Variants in ABCB11 observed in about 807,000 individuals in gnomAD.
ABCB11 encodes the protein ATP binding cassette subfamily B member 11.
ABCB11 carries 95 observed loss-of-function variants against 148.0 expected under a neutral mutation model. That is an observed-to-expected ratio of 0.64 (90% confidence interval 0.54 to 0.76). The LOEUF (loss-of-function observed/expected upper bound fraction) is 0.76, where lower values mean the gene tolerates loss of function less well. Ranked by LOEUF, ABCB11 falls within the 30% of genes least tolerant of loss-of-function variation. The pLI is 0.00. For missense variants in ABCB11, 1,523 were observed against 1,617.8 expected, an observed-to-expected ratio of 0.94 and a Z score of 1.01; for synonymous variants, 591 against 555.4, an observed-to-expected ratio of 1.06 and a Z score of -0.90.
At chr2:169,023,127 A>G (rs187703079) in intron 1 of ABCB11, among the ~76,000 whole-genome samples, 94 of 152,318 alleles carry the variant, frequency 6.2e-4, no homozygotes, top group African/African-American at 2.3e-3. Context: ...ATATAAATTG[A>G]CTGAATGACT....
chr2:168,973,363 A>G (rs1693677803), intron 13 of ABCB11, among the ~76,000 whole-genome samples: 1 of 152,036 alleles, frequency 6.6e-6, no homozygotes, highest in African/African-American at 2.4e-5. Context: ...TCTTAACTTG[A>G]TCTGCAATGC....
chr2:169,030,001 A>G (rs1227854503), intron 1 of ABCB11, among the ~76,000 whole-genome samples: 1 of 151,658 alleles, frequency 6.6e-6, no homozygotes, highest in Non-Finnish European at 1.5e-5. Context: ...CGGCCTCCCA[A>G]AGTGCTGAGA....
intron 5 of ABCB11, among the ~76,000 whole-genome samples, chr2:169,007,819 T>C (rs1214552316): frequency 6.6e-6 from 1 of 152,170 alleles, no homozygotes; most frequent in Non-Finnish European, 1.5e-5. Context: ...GCTTCAAAGA[T>C]AATTATCAAG....
intron 25 of ABCB11, among the ~76,000 whole-genome samples, chr2:168,927,818 GATA>G (rs1691383646): frequency 1.3e-5 from 2 of 152,140 alleles, no homozygotes; most frequent in Admixed American, 1.3e-4. Flanking sequence ...GCATAACTGA[GATA>G]ATAAAACCAA....
At chr2:168,983,100 G>C (rs1281761521) in intron 10 of ABCB11, among the ~76,000 whole-genome samples, 1 of 151,958 alleles carries the variant, frequency 6.6e-6, no homozygotes, top group Non-Finnish European at 1.5e-5. Context: ...GTTACCAAAG[G>C]GATTTTTATT....
chr2:168,984,269 C>T (rs1558908105), intron 10 of ABCB11, among the ~76,000 whole-genome samples: 1 of 152,182 alleles, frequency 6.6e-6, no homozygotes, highest in East Asian at 1.9e-4. Context: ...TGTCTGTATT[C>T]ATTTACATGG....
intron 10 of ABCB11, among the ~76,000 whole-genome samples, chr2:168,985,554 G>A (rs1203783180): frequency 6.6e-6 from 1 of 151,860 alleles, no homozygotes; most frequent in African/African-American, 2.4e-5. Flanking sequence ...TAACATATAT[G>A]TATATATATA....
intron 19 of ABCB11, among the ~76,000 whole-genome samples, chr2:168,950,911 G>T (rs931487824): frequency 6.6e-5 from 10 of 151,618 alleles, no homozygotes; most frequent in African/African-American, 2.4e-4. Context: ...ATAGTTTCAG[G>T]TCTATGTTTA....
intron 23 of ABCB11, among the ~76,000 whole-genome samples, chr2:168,934,067 A>G (rs1454422896): frequency 6.6e-6 from 1 of 150,474 alleles, no homozygotes; most frequent in East Asian, 1.9e-4. Flanking sequence ...CCAGATTTTT[A>G]CATGTTGGCA....
intron 5 of ABCB11, among the ~76,000 whole-genome samples, chr2:169,010,893 A>AT (rs1310000000): frequency 2.0e-4 from 30 of 152,274 alleles, no homozygotes; most frequent in African/African-American, 7.2e-4. Flanking sequence ...ATCTGTATGA[A>AT]TTTTTTTAAA....
intron 1 of ABCB11, among the ~76,000 whole-genome samples, chr2:169,023,732 G>A (rs980941296): frequency 4.6e-5 from 7 of 152,168 alleles, no homozygotes; most frequent in East Asian, 3.9e-4. Flanking sequence ...ATATAGATAC[G>A]CAGTAGAAAT....
At chr2:169,030,343 C>G (rs1695829987) in intron 1 of ABCB11, among the ~76,000 whole-genome samples, 1 of 151,922 alleles carries the variant, frequency 6.6e-6, no homozygotes. Flanking sequence ...CAGAGCACAG[C>G]AGGGGGAACC....
Position 168,993,827 on chromosome 2 carries a change from G to A in ABCB11, c.667C>T (p.Arg223Cys), listed in dbSNP as rs199841445. ...IADQMALFIQ[R>C]MTSTICGFLL... ...AAACCACAGATGGTCGAGGTCATGC[G>A]CTGAATGAAAAGGGCCATTTGGTCA... The change falls in exon 8 of 28, where the codon CGC becomes TGC. Residue 223 changes from arginine to cysteine, a missense_variant. Coordinates refer to ENST00000650372, the MANE Select transcript of ABCB11 (RefSeq NM_003742.4). 3.7e-5 allele frequency: 60 copies of A among 1,611,400 alleles called. No individual in the cohort carries two copies. Among genetic ancestry groups the A allele is most frequent in the East Asian group, 2.5e-4 (11 of 44,702 alleles).
chr2:168,927,126 C>T, intron 26 of ABCB11, 30 bp downstream of exon 26: 2 of 1,574,892 alleles, frequency 1.3e-6, no homozygotes, highest in Non-Finnish European at 1.7e-6. Flanking sequence ...CCTTGTCTCT[C>T]ATAGGGAATG....
chr2:169,004,940 C>T (rs1694976794), intron 5 of ABCB11, among the ~76,000 whole-genome samples: 1 of 152,060 alleles, frequency 6.6e-6, no homozygotes, highest in African/African-American at 2.4e-5. Context: ...AGCCACCCAG[C>T]AAAGTTACCA....
intron 21 of ABCB11, among the ~76,000 whole-genome samples, chr2:168,938,325 T>G (rs1447675365): frequency 6.6e-6 from 1 of 152,056 alleles, no homozygotes; most frequent in Admixed American, 6.5e-5. Flanking sequence ...ACATGATATA[T>G]CCATAAAATA....
downstream of ABCB11, among the ~76,000 whole-genome samples, chr2:168,916,282 G>A (rs1466855364): frequency 6.6e-6 from 1 of 152,142 alleles, no homozygotes; most frequent in Non-Finnish European, 1.5e-5. Context: ...CAGCTCTCCT[G>A]TTCTCACATT....
At chr2:168,930,884 T>C in intron 24 of ABCB11, 22 bp from the exon 25 acceptor site, 1 of 1,558,492 alleles carries the variant, frequency 6.4e-7, no homozygotes, top group East Asian at 2.3e-5. Context: ...AGGATCAAAA[T>C]TAGAGATGCT....
intron 24 of ABCB11, among the ~76,000 whole-genome samples, chr2:168,931,727 C>A (rs1691575395): frequency 6.6e-6 from 1 of 151,908 alleles, no homozygotes; most frequent in Non-Finnish European, 1.5e-5. Flanking sequence ...TGGCTTCATT[C>A]ATTTGGGAAC....
Sources: gnomAD v4.1 joint callset for allele counts (sites outside exome capture counted in the v4.1 genomes callset) on GRCh38, gnomAD v4.1.1 for gene constraint, MANE v1.5 for transcripts, NCBI Gene and HGNC (gene_info 2026-07-23, HGNC 2026-07-21) for gene names.